ZNF385D: variants seen among roughly 807,000 people sequenced by gnomAD.
ZNF385D encodes the protein zinc finger protein 385D.
In ZNF385D, 15 loss-of-function variants were observed where a neutral mutation model predicts 35.8. The observed-to-expected ratio is 0.42, with a 90% CI of 0.28 to 0.64. The LOEUF (loss-of-function observed/expected upper bound fraction) is 0.64. ZNF385D is among the 30% of genes least tolerant of loss of function. The pLI, the probability that ZNF385D is intolerant of heterozygous loss-of-function variation, is 0.23. For missense variants in ZNF385D, 474 were observed against 494.6 expected (o/e 0.96, Z 0.39); for synonymous variants, 212 against 186.8 (o/e 1.13, Z -1.10).
chr3:22,111,287 A>C (rs774632982), intron 3 of ZNF385D, among the ~76,000 whole-genome samples: 1 of 151,168 alleles, frequency 6.6e-6, no homozygotes, highest in Non-Finnish European at 1.5e-5. Flanking sequence ...AACTTCTAGA[A>C]GGCAGAAATC....
intron 2 of ZNF385D, among the ~76,000 whole-genome samples, chr3:22,321,337 T>C (rs895973135): frequency 2.0e-5 from 3 of 151,950 alleles, no homozygotes; most frequent in African/African-American, 7.3e-5. Context: ...GGGGATTCAG[T>C]CTATATATAT....
At chr3:21,733,645 C>G (rs891256832) in intron 1 of ZNF385D, among the ~76,000 whole-genome samples, 1 of 151,912 alleles carries the variant, frequency 6.6e-6, no homozygotes, top group Non-Finnish European at 1.5e-5. Flanking sequence ...GGTTTGTGTC[C>G]TGATTACAAA....
At chr3:22,076,475 G>C (rs1032197397) in intron 3 of ZNF385D, among the ~76,000 whole-genome samples, 1 of 151,854 alleles carries the variant, frequency 6.6e-6, no homozygotes, top group African/African-American at 2.4e-5. Context: ...TCTCCCAAAA[G>C]TGAGGCTTCC....
At chr3:21,525,436 C>T (rs985861153) in intron 3 of ZNF385D, among the ~76,000 whole-genome samples, 2 of 151,818 alleles carry the variant, frequency 1.3e-5, no homozygotes, top group African/African-American at 4.8e-5. Flanking sequence ...GCCTGTAATC[C>T]CAGCACTTTG....
intron 3 of ZNF385D, among the ~76,000 whole-genome samples, chr3:21,950,942 A>G (rs1702034156): frequency 6.6e-6 from 1 of 151,668 alleles, no homozygotes; most frequent in South Asian, 2.1e-4. Context: ...TGTTTTGGTT[A>G]CTGTAGCCTT....
chr3:21,598,350 C>T (rs1296261775), intron 2 of ZNF385D, among the ~76,000 whole-genome samples: 1 of 152,038 alleles, frequency 6.6e-6, no homozygotes, highest in Non-Finnish European at 1.5e-5. Flanking sequence ...AGCTTTTAGC[C>T]TAATGAGTGA....
intron 1 of ZNF385D, among the ~76,000 whole-genome samples, chr3:21,713,996 GT>G (rs1395723988): frequency 2.6e-5 from 4 of 151,996 alleles, no homozygotes; most frequent in African/African-American, 2.4e-5. Context: ...TAAGCCTTTG[GT>G]CAATCAATAT....
At chr3:21,437,326 TG>T (rs1701606699) in intron 4 of ZNF385D, 123 bp from the exon 5 acceptor site, 3 of 875,624 alleles carry the variant, frequency 3.4e-6, no homozygotes, top group Non-Finnish European at 5.1e-6. Context: ...AATTGCTGTT[TG>T]TCAAGGATGC....
chr3:22,200,289 T>C (rs773741635), intron 2 of ZNF385D, among the ~76,000 whole-genome samples: 1 of 151,978 alleles, frequency 6.6e-6, no homozygotes, highest in Non-Finnish European at 1.5e-5. Context: ...TTGGCCGGTT[T>C]GAGAAGTAAA....
At chr3:22,110,530 T>C (rs1194393480) in intron 3 of ZNF385D, among the ~76,000 whole-genome samples, 1 of 151,206 alleles carries the variant, frequency 6.6e-6, no homozygotes, top group Non-Finnish European at 1.5e-5. Context: ...CAGCAAACTA[T>C]CACAAGGACA....
intron 3 of ZNF385D, among the ~76,000 whole-genome samples, chr3:21,758,619 A>G (rs566747082): frequency 6.6e-6 from 1 of 151,984 alleles, no homozygotes; most frequent in Non-Finnish European, 1.5e-5. Flanking sequence ...CCCTAGCTAC[A>G]CTCTTAGAGG....
intron 1 of ZNF385D, among the ~76,000 whole-genome samples, chr3:21,738,180 T>G (rs1015476976): frequency 5.3e-5 from 8 of 152,202 alleles, no homozygotes; most frequent in African/African-American, 1.9e-4. Context: ...TGTTGCCTTC[T>G]TCAAACAACT....
chr3:22,139,738 A>C (rs996396669), intron 3 of ZNF385D, among the ~76,000 whole-genome samples: 6 of 152,116 alleles, frequency 3.9e-5, no homozygotes, highest in Non-Finnish European at 8.8e-5. Flanking sequence ...CACGTTATGC[A>C]CATGTACCCT....
intron 2 of ZNF385D, among the ~76,000 whole-genome samples, chr3:22,205,327 G>A (rs957088281): frequency 2.6e-5 from 4 of 151,716 alleles, no homozygotes. Context: ...AAAAGCTGAG[G>A]GATTTCATCA....
At chr3:21,846,127 T>C (rs551443691) in intron 3 of ZNF385D, among the ~76,000 whole-genome samples, 29 of 152,086 alleles carry the variant, frequency 1.9e-4, no homozygotes, top group Admixed American at 1.6e-3. Context: ...AATTACATAT[T>C]AGTCTTTGCT....
At chr3:21,689,130 C>CAAAAAAAAAAAAAA (rs5847126) in intron 1 of ZNF385D, among the ~76,000 whole-genome samples, 2 of 114,372 alleles carry the variant, frequency 1.7e-5, no homozygotes, top group Non-Finnish European at 1.8e-5. Flanking sequence ...CTTATTGAAG[C>CAAAAAAAAAAAAAA]AAAAAAAAAA....
intron 1 of ZNF385D, among the ~76,000 whole-genome samples, chr3:21,697,644 G>C (rs1307862937): frequency 6.6e-6 from 1 of 152,044 alleles, no homozygotes; most frequent in Non-Finnish European, 1.5e-5. Flanking sequence ...CACAGCAAAA[G>C]AAATAATCAA....
intron 2 of ZNF385D, among the ~76,000 whole-genome samples, chr3:22,188,018 T>A (rs1015653360): frequency 6.6e-6 from 1 of 152,324 alleles, no homozygotes; most frequent in South Asian, 2.1e-4. Flanking sequence ...TTAGAATTCA[T>A]GAAGCTGCAG....
At chr3:21,480,436 T>C (rs992938461) in intron 4 of ZNF385D, among the ~76,000 whole-genome samples, 1 of 152,048 alleles carries the variant, frequency 6.6e-6, no homozygotes, top group Non-Finnish European at 1.5e-5. Context: ...TTCTCACTTG[T>C]GTGGGAAAAA....
Sources: gnomAD v4.1 joint callset for allele counts (sites outside exome capture counted in the v4.1 genomes callset) on GRCh38, gnomAD v4.1.1 for gene constraint, MANE v1.5 for transcripts, NCBI Gene and HGNC (gene_info 2026-07-23, HGNC 2026-07-21) for gene names.